DPP9: variants seen among roughly 807,000 people sequenced by gnomAD.
The protein encoded by DPP9 is dipeptidyl peptidase IV-related protein-2.
A neutral mutation model predicts 110.7 loss-of-function variants in DPP9; 50 were observed. That is an observed-to-expected ratio of 0.45 (90% confidence interval 0.36 to 0.57). DPP9 has a LOEUF of 0.57. DPP9 is among the 20% of genes least tolerant of loss of function. The pLI is 0.00. For missense variants in DPP9, 1,022 were observed against 1,217.9 expected, an observed-to-expected ratio of 0.84 and a Z score of 2.39; for synonymous variants, 561 against 514.4, an observed-to-expected ratio of 1.09 and a Z score of -1.23.
At position 4,700,288 on chromosome 19, in the gene DPP9, C is replaced by G; in HGVS notation, c.1013-11G>C. On this transcript the variant is annotated splice_polypyrimidine_tract_variant and intron_variant, in intron 9 of 21. Transcript: ENST00000262960. This position sits in a 1 kb window ranked among gnomAD's most constrained non-coding sequence, Gnocchi z 4.3. ...TGGGATTCTTGCTGCCTGCAAAAAC[C>G]GAAGTGAGGTGAACACCAGGCAGGC... 2 of 1,596,774 alleles carry G rather than the reference C, an allele frequency of 1.3e-6. No homozygotes were observed. Among genetic ancestry groups the G allele is most frequent in the South Asian group, 1.1e-5 (1 of 89,022 alleles).
At position 4,682,922 on chromosome 19, in the gene DPP9, C is replaced by A. The variant is rs570617395; in HGVS notation, c.2332-84G>T. 5.2e-6 allele frequency: 8 copies of A among 1,537,738 alleles called. No individual in the cohort carries two copies. The highest frequency in any genetic ancestry group is 5.2e-6 in the Non-Finnish European group (6 of 1,146,294). ...CTACAGCCAGCATCAGCCGCTGTCCCGGGGCCGCCCTGGAGCCCGTGAGGA... is the reference window on the plus strand; with the variant it reads ...CTACAGCCAGCATCAGCCGCTGTCCAGGGGCCGCCCTGGAGCCCGTGAGGA... On this transcript the variant is annotated intron_variant, in intron 19 of 21. Transcript: ENST00000262960. The surrounding 1 kb of genome is among the most constrained non-coding windows in gnomAD (Gnocchi z 7.1).
chr19:4,722,612 A>G, intron 1 of DPP9, 61 bp from the exon 2 acceptor site: 1 of 701,042 alleles, frequency 1.4e-6, no homozygotes, highest in Non-Finnish European at 2.6e-6. Flanking sequence ...CCAGCCGTTC[A>G]GCCTCCCCCA....
At chr19:4,699,158 CAAAAAAAAAAAAA>C (rs144927941) in intron 10 of DPP9, among the ~76,000 whole-genome samples, 19 of 50,940 alleles carry the variant, frequency 3.7e-4, no homozygotes, top group Middle Eastern at 0.014. Context: ...GACTCCACCT[CAAAAAAAAAAAAA>C]AAAAAAAAAA....
At chr19:4,702,459 C>T (rs1032976814) in intron 8 of DPP9, 144 bp downstream of exon 8, 45 of 725,360 alleles carry the variant, frequency 6.2e-5, no homozygotes, top group African/African-American at 1.2e-4. Flanking sequence ...TGTCTACAGT[C>T]GTTAAGGAAC....
chr19:4,691,647 C>T (rs571316451), intron 13 of DPP9, among the ~76,000 whole-genome samples: 1 of 145,176 alleles, frequency 6.9e-6, no homozygotes, highest in African/African-American at 2.5e-5. Flanking sequence ...TCTTAGGACA[C>T]ATTAGGACTT....
chr19:4,690,854 A>G (rs1045508641), intron 14 of DPP9, 24 bp downstream of exon 14: 3 of 1,595,108 alleles, frequency 1.9e-6, no homozygotes, highest in Non-Finnish European at 2.6e-6. Context: ...GGAGCAGGGG[A>G]AGGCTGCAAG....
intron 13 of DPP9, among the ~76,000 whole-genome samples, chr19:4,691,599 C>T (rs977641160): frequency 7.1e-5 from 8 of 112,430 alleles, no homozygotes; most frequent in Non-Finnish European, 1.5e-4. Flanking sequence ...GGAAGGGGGG[C>T]GGGGAGTGTG....
Position 4,695,557 on chromosome 19 carries a change from T to C in DPP9, c.1176-2A>G, listed in dbSNP as rs1354735873. 6.9e-7 allele frequency: 1 copy of C among 1,451,168 alleles called. No individual in the cohort carries two copies. The allele number at this position is 1,451,168 out of a possible 1,614,324, so 89.9% of individuals were successfully genotyped here. On this transcript the variant is annotated splice_acceptor_variant, in intron 11 of 21. Transcript: ENST00000262960. LOFTEE classifies it high-confidence loss of function. This position sits in a 1 kb window ranked among gnomAD's most constrained non-coding sequence, Gnocchi z 4.7. ...CGGTCCAGGAACATGGCCCAGGCGCTAAGGGGGAAGATGCGGGGGAAGATG... is the reference window on the plus strand; with the variant it reads ...CGGTCCAGGAACATGGCCCAGGCGCCAAGGGGGAAGATGCGGGGGAAGATG...
chr19:4,676,562 G>A lies in DPP9; in HGVS notation c.*2C>T. 1 of 1,590,290 alleles carries A rather than the reference G, an allele frequency of 6.3e-7. No homozygotes were observed. Among genetic ancestry groups the A allele is most frequent in the Non-Finnish European group, 8.6e-7 (1 of 1,169,238 alleles). On this transcript the variant is annotated 3_prime_UTR_variant, in exon 22 of 22. Transcript: ENST00000262960. The surrounding 1 kb of genome is among the most constrained non-coding windows in gnomAD (Gnocchi z 4.0). ...TGATGTGGCGGCTCCCGGTGGGCAGGCTCAGAGGTATTCCTGTAGAAAGTG... is the reference window on the plus strand; with the variant it reads ...TGATGTGGCGGCTCCCGGTGGGCAGACTCAGAGGTATTCCTGTAGAAAGTG...
At chr19:4,715,871 C>G in intron 3 of DPP9, 1 of 152,272 alleles carries the variant, frequency 6.6e-6, no homozygotes, top group Non-Finnish European at 1.5e-5. Context: ...CTCCCACCAC[C>G]CCACTCCCGC....
rs926806609 is a variant in DPP9 at position 4,720,044 on chromosome 19, C to CA, written c.-35-104_-35-103insT. On this transcript the variant is annotated intron_variant, in intron 2 of 21. Coordinates refer to ENST00000262960, the MANE Select transcript of DPP9 (RefSeq NM_139159.5). ...CCCTCCTCATTGCTCCAGGCAGCCC[C>CA]CCAAGCCTCCGGGGAGCACCCTGAA... 2.0e-4 allele frequency: 207 copies of CA among 1,010,758 alleles called. 1 individual carries two copies. The highest frequency in any genetic ancestry group is 2.9e-4 in the Non-Finnish European group (191 of 665,992). 62.6% of individuals were successfully genotyped at this position (1,010,758 alleles called of 1,614,324 possible).
At position 4,693,009 on chromosome 19, in the gene DPP9, C is replaced by T. The variant is rs938944272; in HGVS notation, c.1516+1652G>A. 2.0e-5 allele frequency among the ~76,000 whole-genome samples: 3 copies of T among 152,174 alleles called. No homozygotes were observed. Among genetic ancestry groups the T allele is most frequent in the Admixed American group, 2.0e-4 (3 of 15,280 alleles). On this transcript the variant is annotated intron_variant, in intron 13 of 21. Transcript: ENST00000262960. This position sits in a 1 kb window ranked among gnomAD's most constrained non-coding sequence, Gnocchi z 5.0. ...ATTCGCCCTTCAGCTCCTGCAGTCC[C>T]GGATGCCTCGCTCCCTGGGGTCTCT... is the stretch of plus-strand genomic sequence containing the variant.
At chr19:4,717,386 C>A (rs1348409799) in intron 3 of DPP9, among the ~76,000 whole-genome samples, 2 of 152,170 alleles carry the variant, frequency 1.3e-5, no homozygotes, top group African/African-American at 4.8e-5. Context: ...CTGCCCCAAG[C>A]ACTGCTGGCA....
At chr19:4,690,777 G>T in intron 14 of DPP9, 101 bp downstream of exon 14, 1 of 903,238 alleles carries the variant, frequency 1.1e-6, no homozygotes, top group Non-Finnish European at 1.8e-6. Flanking sequence ...GAGTATGTGT[G>T]TGAGTGTATG....
Position 4,689,057 on chromosome 19 carries a change from A to G in DPP9, c.1750-165T>C, listed in dbSNP as rs2091071897. Among the ~76,000 whole-genome samples the G allele has an allele frequency of 8.1e-6, 1 of 123,834 alleles. No individual in the cohort carries two copies. The highest frequency in any genetic ancestry group is 1.6e-5 in the Non-Finnish European group (1 of 61,452). The allele number at this position is 123,834 out of a possible 152,430, so 81.2% of individuals were successfully genotyped here. A position where few individuals can be genotyped will look rare whatever the true frequency, so the allele number is the denominator to read the frequency against. ...CACCCGCTGCTGCAAGGGGGGCACC[A>G]CTGCCATCGCCCCATTCTGCAGAGC... On this transcript the variant is annotated intron_variant, in intron 15 of 21. Coordinates refer to ENST00000262960, the MANE Select transcript of DPP9 (RefSeq NM_139159.5). This position sits in a 1 kb window ranked among gnomAD's most constrained non-coding sequence, Gnocchi z 7.0.
At chr19:4,696,188 A>G (rs1002161331) in intron 11 of DPP9, among the ~76,000 whole-genome samples, 1 of 152,168 alleles carries the variant, frequency 6.6e-6, no homozygotes, top group Admixed American at 6.6e-5. Context: ...GACGTGAGCC[A>G]CCGCACCTGG....
In DPP9 at chr19:4,695,193, C is replaced by T; in HGVS notation, c.1353+185G>A. 1 of 625,432 alleles carries T rather than the reference C, an allele frequency of 1.6e-6. No homozygotes were observed. Among genetic ancestry groups the T allele is most frequent in the Non-Finnish European group, 2.7e-6 (1 of 372,096 alleles). 38.7% of individuals were successfully genotyped at this position (625,432 alleles called of 1,614,324 possible). A position where few individuals can be genotyped will look rare whatever the true frequency, so the allele number is the denominator to read the frequency against. ...ATGAGGGGAGAGGCTCCAATGGCTG[C>T]CAGACTCACCAACCCCCCTAGACCC... On this transcript the variant is annotated intron_variant, in intron 12 of 21. Transcript: ENST00000262960. This position sits in a 1 kb window ranked among gnomAD's most constrained non-coding sequence, Gnocchi z 4.7.
rs750693651 is a variant in DPP9 at position 4,702,137 on chromosome 19, G to A, written c.902C>T (p.Thr301Met). The change falls in exon 9 of 22, where the codon ACG (threonine) becomes ATG (methionine). Residue 301 changes from threonine to methionine, a missense_variant. By Grantham distance (81) the Thr-to-Met change is moderately conservative (BLOSUM62 -1). This residue lies in a region of DPP9 where 810 missense variants were observed against 920.6 expected (regional missense o/e 0.88). Coordinates refer to ENST00000262960, the MANE Select transcript of DPP9 (RefSeq NM_139159.5). ...GACTTCCTCATACAGGATTCGCAGC[G>A]TCTTGAGGCCCTCTGAACCTTGGGT... ...ASWEGSEGLK[T>M]LRILYEEVDE... The A allele has an allele frequency of 3.3e-5, 53 of 1,613,124 alleles. No homozygotes were observed. The highest frequency in any genetic ancestry group is 3.3e-4 in the Middle Eastern group (2 of 6,074).
In DPP9 at chr19:4,685,929, T is replaced by C. The variant is rs1283916598; in HGVS notation, c.1886-158A>G. 1.0e-5 allele frequency: 8 copies of C among 793,814 alleles called. No individual in the cohort carries two copies. The highest frequency in any genetic ancestry group is 8.3e-5 in the East Asian group (3 of 36,042). The allele number at this position is 793,814 out of a possible 1,614,324, so 49.2% of individuals were successfully genotyped here. On this transcript the variant is annotated intron_variant, in intron 16 of 21. Transcript: ENST00000262960. The surrounding 1 kb of genome is among the most constrained non-coding windows in gnomAD (Gnocchi z 5.8). ...GATAATTGAAAAAAACGTTTTTTTT[T>C]CATTAAATAAGATTTGTACAGTTTT...
Sources: allele counts gnomAD v4.1 joint callset (sites outside exome capture counted in the v4.1 genomes callset), GRCh38; gene constraint gnomAD v4.1.1; regional missense constraint gnomAD v4.1.1; non-coding constraint Gnocchi (gnomAD v3.1); transcripts MANE v1.5; gene names NCBI Gene and HGNC (gene_info 2026-07-23, HGNC 2026-07-21).